Variants in MYO18B observed in about 807,000 individuals in gnomAD.
The protein encoded by MYO18B is unconventional myosin-XVIIIb.
Under a neutral mutation model 273.0 loss-of-function variants are expected in MYO18B, and 204 were observed. The observed-to-expected ratio is 0.75, with a 90% CI of 0.67 to 0.84. The LOEUF is 0.84. MYO18B is among the 40% of genes least tolerant of loss of function. The pLI, the probability that MYO18B is intolerant of heterozygous loss-of-function variation, is 0.00. For missense variants in MYO18B, 3,212 were observed against 3,287.6 expected, an observed-to-expected ratio of 0.98 and a Z score of 0.56; for synonymous variants, 1,330 against 1,305.7, an observed-to-expected ratio of 1.02 and a Z score of -0.40.
chr22:26,018,782 A>G (rs1601845087), intron 42 of MYO18B, among the ~76,000 whole-genome samples: 1 of 152,044 alleles, frequency 6.6e-6, no homozygotes, highest in Non-Finnish European at 1.5e-5. Context: ...GTGAAACCCC[A>G]TCTCTACTAA....
At chr22:25,896,189 A>T (rs2091796145) in intron 28 of MYO18B, 1 of 152,172 alleles carries the variant, frequency 6.6e-6, no homozygotes, top group Admixed American at 6.5e-5. Context: ...CTAAACCCAC[A>T]TGAGGCTTAG....
At position 25,792,683 on chromosome 22, in the gene MYO18B, C is replaced by T. The variant is rs138711888; in HGVS notation, c.2377-5270C>T. ...CTAATTTTTTTATTTTTAGTAGAGACGGGGTTTCACCATTTTTGCCAGGAT... is the reference window on the plus strand; with the variant it reads ...CTAATTTTTTTATTTTTAGTAGAGATGGGGTTTCACCATTTTTGCCAGGAT... On this transcript the variant is annotated intron_variant, in intron 11 of 43. Coordinates refer to ENST00000335473, the MANE Select transcript of MYO18B (RefSeq NM_032608.7). Among the ~76,000 whole-genome samples, 671 of 151,868 alleles carry T rather than the reference C, an allele frequency of 4.4e-3. 11 individuals are homozygous for T. Among genetic ancestry groups the T allele is most frequent in the South Asian group, 0.043 (205 of 4,784 alleles).
At chr22:25,898,565 C>T (rs191504286) in intron 29 of MYO18B, 104 bp downstream of exon 29, 1 of 1,247,878 alleles carries the variant, frequency 8.0e-7, no homozygotes, top group Non-Finnish European at 1.1e-6. Flanking sequence ...ACTTCAACTC[C>T]CTTGTTTTGC....
chr22:25,890,952 T>C (rs1479770363), intron 26 of MYO18B, 77 bp downstream of exon 26: 4 of 1,538,000 alleles, frequency 2.6e-6, no homozygotes, highest in Admixed American at 3.9e-5. Flanking sequence ...GACCCTCTCA[T>C]TGGAGATCAG....
intron 40 of MYO18B, among the ~76,000 whole-genome samples, chr22:25,995,510 CATAA>C (rs975514876): frequency 1.1e-4 from 16 of 152,144 alleles, no homozygotes; most frequent in African/African-American, 3.9e-4. Context: ...TCATGTACCC[CATAA>C]ATATATATGC....
At chr22:26,046,312 G>T in the MYO18B span, among the ~76,000 whole-genome samples, 2 of 152,106 alleles carry the variant, frequency 1.3e-5, no homozygotes, top group Non-Finnish European at 2.9e-5. Flanking sequence ...TTGAATCTGG[G>T]GAAATACCAT....
At chr22:25,810,246 C>T (rs939643199) in intron 12 of MYO18B, among the ~76,000 whole-genome samples, 15 of 151,226 alleles carry the variant, frequency 9.9e-5, no homozygotes, top group Admixed American at 1.3e-4. Flanking sequence ...TACAGGCGCC[C>T]ACCACCATGC....
At chr22:25,959,098 A>C (rs1232877291) in intron 39 of MYO18B, 1 of 152,156 alleles carries the variant, frequency 6.6e-6, no homozygotes, top group African/African-American at 2.4e-5. Flanking sequence ...ACAAGTATGG[A>C]GTTTCCTCCG....
At chr22:25,761,535 T>G (rs967156435) in intron 2 of MYO18B, among the ~76,000 whole-genome samples, 1 of 152,150 alleles carries the variant, frequency 6.6e-6, no homozygotes, top group African/African-American at 2.4e-5. Context: ...GGGGTGGGTT[T>G]CTGTGGTCCC....
the MYO18B span, among the ~76,000 whole-genome samples, chr22:26,053,493 C>G: frequency 6.6e-6 from 1 of 152,214 alleles, no homozygotes; most frequent in Non-Finnish European, 1.5e-5. Flanking sequence ...AATCCCCTAT[C>G]ATCCTGGTCA....
At chr22:25,934,199 A>C (rs2092547760) in intron 34 of MYO18B, among the ~76,000 whole-genome samples, 1 of 151,316 alleles carries the variant, frequency 6.6e-6, no homozygotes, top group African/African-American at 2.4e-5. Flanking sequence ...ACTTTGATAG[A>C]AGCTCTTTGC....
intron 39 of MYO18B, among the ~76,000 whole-genome samples, chr22:25,980,009 G>C (rs145127257): frequency 1.2e-4 from 19 of 152,300 alleles, no homozygotes; most frequent in Non-Finnish European, 2.5e-4. Flanking sequence ...AGGCAGAAAT[G>C]ATCCATCTAA....
At chr22:26,034,120 T>A (rs1936730896), downstream of MYO18B, among the ~76,000 whole-genome samples, 1 of 152,148 alleles carries the variant, frequency 6.6e-6, no homozygotes, top group Non-Finnish European at 1.5e-5. Context: ...GCTTGGCTAA[T>A]TTTTGTATTT....
chr22:25,748,515 T>C lies in MYO18B; in HGVS notation c.-110+6222T>C, dbSNP rs147861071. ...ATGGACATGACCAAGAGGGAACTCA[T>C]TGACTGTCTATCCTGGAAATTCCTT... On this transcript the variant is annotated intron_variant, in intron 1 of 43. Transcript: ENST00000335473. Among the ~76,000 whole-genome samples the C allele has an allele frequency of 1.4e-3, 211 of 152,306 alleles. 1 individual carries two copies. Among genetic ancestry groups the C allele is most frequent in the Non-Finnish European group, 2.2e-3 (149 of 68,022 alleles).
intron 34 of MYO18B, among the ~76,000 whole-genome samples, chr22:25,931,328 C>T (rs985758791): frequency 2.0e-5 from 3 of 152,154 alleles, no homozygotes; most frequent in Non-Finnish European, 4.4e-5. Context: ...GGCAAGAAGG[C>T]GGGGACATCT....
intron 39 of MYO18B, among the ~76,000 whole-genome samples, chr22:25,957,645 T>G (rs1280350579): frequency 6.6e-6 from 1 of 152,212 alleles, no homozygotes. Context: ...AATCAAGGTG[T>G]GAACAGGGCT....
chr22:25,970,179 CATCATGAAAATTATT>C (rs2093022480), intron 39 of MYO18B, among the ~76,000 whole-genome samples: 1 of 152,130 alleles, frequency 6.6e-6, no homozygotes, highest in African/African-American at 2.4e-5. Flanking sequence ...CCACCACCAC[CATCATGAAAATTATT>C]ATTATCACTC....
chr22:25,989,425 C>A (rs1310028089), intron 39 of MYO18B, among the ~76,000 whole-genome samples: 2 of 152,114 alleles, frequency 1.3e-5, no homozygotes, highest in African/African-American at 4.8e-5. Context: ...TACAAAGATA[C>A]AGGTGCCACA....
chr22:25,801,976 T>C (rs1373945227), intron 12 of MYO18B, among the ~76,000 whole-genome samples: 1 of 152,188 alleles, frequency 6.6e-6, no homozygotes, highest in African/African-American at 2.4e-5. Flanking sequence ...TTCCTGCCTA[T>C]GGCAGGCCTA....
Sources: gnomAD v4.1 joint callset for allele counts (sites outside exome capture counted in the v4.1 genomes callset) on GRCh38, gnomAD v4.1.1 for gene constraint, MANE v1.5 for transcripts, NCBI Gene and HGNC (gene_info 2026-07-23, HGNC 2026-07-21) for gene names.